Variants in CLRN1 observed in about 807,000 individuals in gnomAD.
The protein encoded by CLRN1 is clarin-1.
CLRN1 carries 15 observed loss-of-function variants against 18.7 expected under a neutral mutation model. The observed-to-expected ratio is 0.80, with a 90% CI of 0.54 to 1.23. The LOEUF (loss-of-function observed/expected upper bound fraction) is 1.23, where lower values mean the gene tolerates loss of function less well. Ranked by LOEUF, CLRN1 falls within the 50% of genes most tolerant of loss-of-function variation. CLRN1 has a pLI of 0.00. For missense variants in CLRN1, 311 were observed against 277.5 expected (o/e 1.12, Z -0.86); for synonymous variants, 104 against 102.9 (o/e 1.01, Z -0.07).
chr3:150,966,093 G>C (rs1715244734), intron 1 of CLRN1, among the ~76,000 whole-genome samples: 1 of 152,188 alleles, frequency 6.6e-6, no homozygotes, highest in Non-Finnish European at 1.5e-5. Flanking sequence ...GCCAATGCAG[G>C]AGGATTGCTT....
At chr3:150,969,478 G>C (rs919832531) in intron 1 of CLRN1, among the ~76,000 whole-genome samples, 1 of 150,162 alleles carries the variant, frequency 6.7e-6, no homozygotes, top group East Asian at 2.0e-4. Flanking sequence ...AGGCGCCCCC[G>C]CCACGCCCGG....
intron 1 of CLRN1, among the ~76,000 whole-genome samples, chr3:150,965,965 T>C (rs7637417): frequency 0.012 from 1,790 of 152,352 alleles, 17 homozygotes; most frequent in Middle Eastern, 0.021. Flanking sequence ...AAAGTCATTT[T>C]CTCCATATTC....
chr3:150,967,471 C>A (rs1197976405), intron 1 of CLRN1, among the ~76,000 whole-genome samples: 2 of 151,666 alleles, frequency 1.3e-5, no homozygotes, highest in African/African-American at 4.9e-5. Context: ...ACAACAGGAC[C>A]CCTAAGCTAA....
intron 1 of CLRN1, among the ~76,000 whole-genome samples, chr3:150,943,285 A>G (rs933612020): frequency 6.6e-6 from 1 of 152,106 alleles, no homozygotes; most frequent in Non-Finnish European, 1.5e-5. Context: ...GCTCTTTCCC[A>G]ATTGGTTCTT....
intron 1 of CLRN1, among the ~76,000 whole-genome samples, chr3:150,969,516 G>A (rs1435022970): frequency 6.6e-6 from 1 of 150,924 alleles, no homozygotes; most frequent in Admixed American, 6.6e-5. Context: ...TAGTAGAGAC[G>A]GGATTTCACC....
intron 1 of CLRN1, among the ~76,000 whole-genome samples, chr3:150,957,793 A>G (rs1714824932): frequency 6.6e-6 from 1 of 152,020 alleles, no homozygotes; most frequent in Admixed American, 6.6e-5. Context: ...TGAGGCTGGG[A>G]TTACAAGTGT....
intron 1 of CLRN1, among the ~76,000 whole-genome samples, chr3:150,961,334 C>G (rs1715024241): frequency 6.6e-6 from 1 of 152,180 alleles, no homozygotes; most frequent in African/African-American, 2.4e-5. Context: ...TCAGGTCCCA[C>G]CCCCAGAGAT....
At chr3:150,942,467 G>T (rs1326060086) in intron 1 of CLRN1, 8 of 253,000 alleles carry the variant, frequency 3.2e-5, no homozygotes, top group East Asian at 1.5e-4. Flanking sequence ...AGCAAATCTG[G>T]CAGGACCAAT....
At chr3:150,951,932 G>T (rs1053200485) in intron 1 of CLRN1, among the ~76,000 whole-genome samples, 1 of 152,132 alleles carries the variant, frequency 6.6e-6, no homozygotes, top group Non-Finnish European at 1.5e-5. Context: ...CCTCCCACCA[G>T]GCCCCACCTC....
intron 2 of CLRN1, among the ~76,000 whole-genome samples, chr3:150,936,923 T>A (rs1287672481): frequency 6.6e-6 from 1 of 152,148 alleles, no homozygotes; most frequent in Non-Finnish European, 1.5e-5. Flanking sequence ...GGTTCTCAGT[T>A]CCTTCTTAGC....
chr3:150,968,799 G>A (rs928302901), intron 1 of CLRN1, among the ~76,000 whole-genome samples: 2 of 152,092 alleles, frequency 1.3e-5, no homozygotes, highest in African/African-American at 2.4e-5. Flanking sequence ...AATCTGTACT[G>A]ACCAATACAG....
chr3:150,963,590 A>G (rs1232086695), intron 1 of CLRN1, among the ~76,000 whole-genome samples: 1 of 152,234 alleles, frequency 6.6e-6, no homozygotes, highest in Non-Finnish European at 1.5e-5. Flanking sequence ...GAACCAAAAA[A>G]GAGCCTGAAT....
chr3:150,972,889 A>G (rs1715626518), upstream of CLRN1: 1 of 785,330 alleles, frequency 1.3e-6, no homozygotes, highest in Non-Finnish European at 2.2e-6. Context: ...AGGCCTCATC[A>G]TCACTCATAC....
At chr3:150,933,599 T>C (rs1382488760) in intron 2 of CLRN1, among the ~76,000 whole-genome samples, 1 of 152,156 alleles carries the variant, frequency 6.6e-6, no homozygotes, top group Non-Finnish European at 1.5e-5. Context: ...AGTGGATACA[T>C]CAAGTGGTGC....
In CLRN1 at chr3:150,941,739, T is replaced by C. The variant is rs1232003825; in HGVS notation, c.276A>G (p.Ala92=). Residue 92 remains alanine, a synonymous_variant, in exon 2 of 3, where the codon GCA becomes GCG. Transcript: ENST00000327047. The stretch of plus-strand genomic sequence containing the variant: ...CATTGACGTGGATGCTCACTGGGAT[T>C]GCTTTGAGCAAATCTGGAAAAACTG... ...RFSFFPDLLK[A]IPVSIHVNVI... The C allele has an allele frequency of 1.9e-6, 3 of 1,613,938 alleles. No homozygotes were observed. In the Admixed American group the frequency reaches 5.0e-5, roughly 27 times the overall value.
intron 2 of CLRN1, 98 bp from the exon 3 acceptor site, chr3:150,928,299 A>T (rs1004191187): frequency 7.0e-7 from 1 of 1,420,660 alleles, no homozygotes; most frequent in Non-Finnish European, 9.7e-7. Context: ...TCTTACCATC[A>T]TCCCCATTGA....
intron 2 of CLRN1, among the ~76,000 whole-genome samples, chr3:150,936,951 G>T (rs1464231354): frequency 6.6e-6 from 1 of 152,074 alleles, no homozygotes; most frequent in African/African-American, 2.4e-5. Context: ...CTCAGCTATT[G>T]GAGCAGTCTT....
chr3:150,970,838 G>GAATAGGACACAAC (rs2067064749), intron 1 of CLRN1, among the ~76,000 whole-genome samples: 1 of 152,166 alleles, frequency 6.6e-6, no homozygotes, highest in African/African-American at 2.4e-5. Flanking sequence ...GACAGGACAA[G>GAATAGGACACAAC]CATAGGACAC....
intron 1 of CLRN1, among the ~76,000 whole-genome samples, chr3:150,961,198 T>G (rs921673465): frequency 3.3e-5 from 5 of 152,216 alleles, no homozygotes; most frequent in Non-Finnish European, 5.9e-5. Context: ...TTGTGGCTTC[T>G]GCCTTCCCTA....
Sources: gnomAD v4.1 joint callset for allele counts (sites outside exome capture counted in the v4.1 genomes callset) on GRCh38, gnomAD v4.1.1 for gene constraint, MANE v1.5 for transcripts, NCBI Gene and HGNC (gene_info 2026-07-23, HGNC 2026-07-21) for gene names.